GABRG3: variants seen among roughly 807,000 people sequenced by gnomAD.
GABRG3 encodes the protein gamma-aminobutyric acid type A receptor subunit gamma3, also known as gamma-aminobutyric acid receptor subunit gamma-3.
In GABRG3, 25 loss-of-function variants were observed where a neutral mutation model predicts 48.8. The ratio of observed to expected loss-of-function variants is 0.51; its 90% CI spans 0.37 to 0.72. GABRG3 has a LOEUF of 0.72. GABRG3 is among the 30% of genes least tolerant of loss of function. The probability of loss-of-function intolerance (pLI) is 0.00; values close to 1 mark genes in which losing one functional copy is unlikely to be tolerated. For synonymous variants in GABRG3, 227 were observed against 217.6 expected (o/e 1.04, Z -0.38); for missense variants, 394 against 577.9 (o/e 0.68, Z 3.26).
intron 3 of GABRG3, among the ~76,000 whole-genome samples, chr15:27,067,344 A>T (rs1190486915): frequency 6.6e-6 from 1 of 151,748 alleles, no homozygotes; most frequent in Admixed American, 6.6e-5. Context: ...ACTTTGCCTC[A>T]CTCCCCATCC....
chr15:27,262,943 T>C (rs1411807575), intron 3 of GABRG3, among the ~76,000 whole-genome samples: 1 of 152,258 alleles, frequency 6.6e-6, no homozygotes, highest in East Asian at 1.9e-4. Context: ...TTTTCTCCAC[T>C]GATTACTATA....
At chr15:27,309,534 G>C (rs1892926320) in intron 3 of GABRG3, among the ~76,000 whole-genome samples, 1 of 152,028 alleles carries the variant, frequency 6.6e-6, no homozygotes, top group African/African-American at 2.4e-5. Flanking sequence ...TCACCAAAGA[G>C]GATATAAGGA....
rs1056449971 is a variant in GABRG3 at position 27,146,439 on chromosome 15, A to G, written c.270+119618A>G. ...GCCACTGCACTCCAGCCTGCGTGAC[A>G]CGGTGAGACTCTGTCTCAAAAACAA... On this transcript the variant is annotated intron_variant, in intron 3 of 9. Transcript: ENST00000615808. Among the ~76,000 whole-genome samples the G allele has an allele frequency of 2.9e-4, 44 of 152,204 alleles. 1 individual carries two copies. Among genetic ancestry groups the G allele is most frequent in the African/African-American group, 8.9e-4 (37 of 41,466 alleles).
In GABRG3 at chr15:27,527,552, G is replaced by T; in HGVS notation, c.985G>T (p.Ala329Ser). 6.2e-7 allele frequency: 1 copy of T among 1,613,900 alleles called. No homozygotes were observed. The highest frequency in any genetic ancestry group is 8.5e-7 in the Non-Finnish European group (1 of 1,179,864). Residue 329 changes from alanine (A) to serine (S), a missense_variant, in exon 8 of 10, where the codon GCC becomes TCC. Around this residue, in one of 3 missense-constraint regions of GABRG3, gnomAD observed 50 missense variants for 112.5 expected, o/e 0.44. Coordinates refer to ENST00000615808, the MANE Select transcript of GABRG3 (RefSeq NM_033223.5). ...GACCGTGTGCTTCCTGTTTGTCTTC[G>T]CCGCGCTGATGGAGTATGCCACCCT... ...FVTVCFLFVF[A>S]ALMEYATLNY...
chr15:27,539,235 A>G lies in GABRG3; in HGVS notation c.*6354A>G, dbSNP rs1412000906. On this transcript the variant is annotated 3_prime_UTR_variant, in exon 10 of 10. Coordinates refer to ENST00000615808, the MANE Select transcript of GABRG3 (RefSeq NM_033223.5). ...TCCACCTGAGATGGGCTGAATTTTC[A>G]CCCGGAAGTCTGAAGCCTCTGGAAG... The G allele has an allele frequency of 1.3e-5, 2 of 151,906 alleles. No homozygotes were observed. Among genetic ancestry groups the G allele is most frequent in the African/African-American group, 2.4e-5 (1 of 41,336 alleles). The allele number at this position is 151,906 out of a possible 1,614,324, so 9.4% of individuals were successfully genotyped here.
chr15:27,522,738 G>A (rs1470434159), intron 7 of GABRG3, among the ~76,000 whole-genome samples: 3 of 151,638 alleles, frequency 2.0e-5, no homozygotes, highest in African/African-American at 7.2e-5. Flanking sequence ...ATAATAAAAG[G>A]GTAAATTCAA....
In GABRG3 at chr15:27,022,184, A is replaced by G. The variant is rs542096700; in HGVS notation, c.203-4570A>G. ...TTTTTCTAAAGTAAATCATGCTGTC[A>G]TAAGTCTGGTTTTAGAGAGAAACTT... On this transcript the variant is annotated intron_variant, in intron 2 of 9. Transcript: ENST00000615808. 6.6e-5 allele frequency among the ~76,000 whole-genome samples: 10 copies of G among 152,276 alleles called. No homozygotes were observed. The South Asian group carries it at 1.2e-3, about 19-fold the overall frequency.
rs1889987900 is a variant in GABRG3, at chr15:27,236,837, T to C, written c.271-89972T>C. Reference sequence around the variant, plus strand: ...AAGCGCAATTGCACGTGTGTTTGTTTTATCAATATTCGTGATTCCTCCAAT... The same window carrying C: ...AAGCGCAATTGCACGTGTGTTTGTTCTATCAATATTCGTGATTCCTCCAAT... On this transcript the variant is annotated intron_variant, in intron 3 of 9. Coordinates refer to ENST00000615808, the MANE Select transcript of GABRG3 (RefSeq NM_033223.5). The surrounding 1 kb of genome is among the most constrained non-coding windows in gnomAD (Gnocchi z 4.4). Among the ~76,000 whole-genome samples the C allele has an allele frequency of 6.6e-6, 1 of 152,190 alleles. No individual in the cohort carries two copies. The highest frequency in any genetic ancestry group is 1.9e-4 in the East Asian group (1 of 5,188).
chr15:26,986,450 C>A (rs1444778775), intron 2 of GABRG3, among the ~76,000 whole-genome samples: 1 of 152,130 alleles, frequency 6.6e-6, no homozygotes, highest in Non-Finnish European at 1.5e-5. Context: ...GCTTAACACA[C>A]GTTGGCGGCT....
intron 3 of GABRG3, among the ~76,000 whole-genome samples, chr15:27,293,185 G>A (rs1230565243): frequency 6.6e-6 from 1 of 152,172 alleles, no homozygotes; most frequent in African/African-American, 2.4e-5. Flanking sequence ...TACCAAAGAT[G>A]ATGGTGGATG....
intron 2 of GABRG3, among the ~76,000 whole-genome samples, chr15:27,024,359 T>C (rs1339904577): frequency 6.6e-6 from 1 of 152,238 alleles, no homozygotes; most frequent in East Asian, 1.9e-4. Flanking sequence ...TCTGGTGTTA[T>C]ATCCAAGAGA....
chr15:27,276,192 C>T (rs1379620726), intron 3 of GABRG3, among the ~76,000 whole-genome samples: 2 of 152,176 alleles, frequency 1.3e-5, no homozygotes, highest in African/African-American at 4.8e-5. Context: ...TTTGGGTAGG[C>T]CTTCCCTTGA....
At chr15:27,351,473 T>TTGTATGGTGTG (rs1442810362) in intron 5 of GABRG3, among the ~76,000 whole-genome samples, 2 of 141,786 alleles carry the variant, frequency 1.4e-5, no homozygotes, top group Admixed American at 1.4e-4. Flanking sequence ...GTGTGTATGT[T>TTGTATGGTGTG]TGTATGGTGT....
chr15:27,466,262 GTCTCTTAA>G (rs1889607252), intron 5 of GABRG3, among the ~76,000 whole-genome samples: 1 of 152,174 alleles, frequency 6.6e-6, no homozygotes, highest in South Asian at 2.1e-4. Context: ...AATCTACAAT[GTCTCTTAA>G]TCTCTAGAGC....
At chr15:27,453,627 A>T (rs906298013) in intron 5 of GABRG3, among the ~76,000 whole-genome samples, 1 of 152,168 alleles carries the variant, frequency 6.6e-6, no homozygotes, top group Non-Finnish European at 1.5e-5. Context: ...GTTTAGACAG[A>T]GTTTCACTCT....
At chr15:27,497,255 C>T (rs12592749) in intron 6 of GABRG3, among the ~76,000 whole-genome samples, 11,482 of 152,238 alleles carry the variant, frequency 0.075, 786 homozygotes, top group East Asian at 0.36. Flanking sequence ...ACTGTGCTTC[C>T]TGATATAATA....
chr15:27,507,308 A>G (rs538447661), intron 6 of GABRG3, among the ~76,000 whole-genome samples: 53 of 152,268 alleles, frequency 3.5e-4, no homozygotes, highest in African/African-American at 1.3e-3. Context: ...GTTCAAGACC[A>G]GCCTGGCCAA....
chr15:27,512,337 TATATA>T (rs578192607), intron 6 of GABRG3, among the ~76,000 whole-genome samples: 5 of 152,216 alleles, frequency 3.3e-5, no homozygotes, highest in Admixed American at 2.0e-4. Context: ...ATGGAGTAAA[TATATA>T]ATATGAGGAT....
chr15:27,519,667 A>C (rs560357224), intron 6 of GABRG3, among the ~76,000 whole-genome samples: 7 of 152,320 alleles, frequency 4.6e-5, no homozygotes, highest in African/African-American at 1.7e-4. Context: ...GGAAGGACTC[A>C]AGTGATAATA....
Sources: gnomAD v4.1 joint callset for allele counts (sites outside exome capture counted in the v4.1 genomes callset) on GRCh38, gnomAD v4.1.1 for gene constraint, gnomAD v4.1.1 regional missense constraint, Gnocchi (gnomAD v3.1) non-coding constraint, MANE v1.5 for transcripts, NCBI Gene and HGNC (gene_info 2026-07-23, HGNC 2026-07-21) for gene names.